CDH12: variants seen among roughly 807,000 people sequenced by gnomAD.
CDH12 encodes the protein cadherin 12.
Under a neutral mutation model 74.1 loss-of-function variants are expected in CDH12, and 41 were observed. That is an observed-to-expected ratio of 0.55 (90% confidence interval 0.43 to 0.72). The LOEUF is 0.72. Ranked by LOEUF, CDH12 falls within the 30% of genes least tolerant of loss-of-function variation. CDH12 has a pLI of 0.00. For missense variants in CDH12, 945 were observed against 977.2 expected, an observed-to-expected ratio of 0.97 and a Z score of 0.44; for synonymous variants, 399 against 355.0, an observed-to-expected ratio of 1.12 and a Z score of -1.39.
chr5:22,421,875 C>T (rs1459848438), intron 2 of CDH12, among the ~76,000 whole-genome samples: 1 of 152,314 alleles, frequency 6.6e-6, no homozygotes, highest in East Asian at 1.9e-4. Flanking sequence ...TTAATGATCA[C>T]CATTCTAACT....
chr5:21,882,795 G>C (rs1182597879), intron 6 of CDH12: 2 of 1,574,022 alleles, frequency 1.3e-6, no homozygotes, highest in African/African-American at 1.4e-5. Context: ...GCAGAGCTGG[G>C]GAAGTCCCAA....
At chr5:21,799,297 A>G (rs886972775) in intron 10 of CDH12, among the ~76,000 whole-genome samples, 9 of 152,132 alleles carry the variant, frequency 5.9e-5, no homozygotes, top group Non-Finnish European at 1.2e-4. Context: ...GTGTTAAAGG[A>G]GTAGCTTGGT....
intron 1 of CDH12, among the ~76,000 whole-genome samples, chr5:22,709,204 G>C (rs1407058115): frequency 6.6e-6 from 1 of 152,060 alleles, no homozygotes; most frequent in Non-Finnish European, 1.5e-5. Context: ...TATGAGATCT[G>C]GGAGACAAAA....
Position 22,237,443 on chromosome 5 carries a change from G to A in CDH12, c.-332-24800C>T, listed in dbSNP as rs1046138548. Among the ~76,000 whole-genome samples, 4 of 152,056 alleles carry A rather than the reference G, an allele frequency of 2.6e-5. No individual in the cohort carries two copies. The South Asian group carries it at 8.3e-4, about 32-fold the overall frequency. On this transcript the variant is annotated intron_variant, in intron 3 of 14. Coordinates refer to ENST00000382254, the MANE Select transcript of CDH12 (RefSeq NM_004061.5). ...CCTTTACAGGTTGGGCCTTTGGGAGGTAATTAAATCATGAGGGCAGACAAA... is the reference window on the plus strand; with the variant it reads ...CCTTTACAGGTTGGGCCTTTGGGAGATAATTAAATCATGAGGGCAGACAAA...
At chr5:22,014,097 T>C (rs867946224) in intron 5 of CDH12, among the ~76,000 whole-genome samples, 45 of 152,164 alleles carry the variant, frequency 3.0e-4, no homozygotes, top group Middle Eastern at 6.8e-3. Flanking sequence ...TGTGGTGGCA[T>C]GCACCTGTAA....
chr5:22,630,280 A>T (rs1407159970), intron 1 of CDH12, among the ~76,000 whole-genome samples: 1 of 152,132 alleles, frequency 6.6e-6, no homozygotes, highest in Non-Finnish European at 1.5e-5. Context: ...TTCATATGGA[A>T]CCAAAAAAGG....
intron 6 of CDH12, among the ~76,000 whole-genome samples, chr5:21,900,488 G>A (rs1215058753): frequency 6.6e-6 from 1 of 152,104 alleles, no homozygotes; most frequent in Admixed American, 6.6e-5. Context: ...AGCTATAGCT[G>A]TACAAAATGC....
intron 6 of CDH12, chr5:21,884,381 A>G: frequency 1.0e-6 from 1 of 999,236 alleles, no homozygotes; most frequent in Middle Eastern, 3.1e-4. Flanking sequence ...TTCCTCACCA[A>G]TAACTTCAGA....
chr5:21,924,844 C>A (rs145466109), intron 6 of CDH12, among the ~76,000 whole-genome samples: 2 of 152,118 alleles, frequency 1.3e-5, no homozygotes, highest in African/African-American at 4.8e-5. Flanking sequence ...TTTACTGAGG[C>A]TATCCTCAGA....
intron 12 of CDH12, among the ~76,000 whole-genome samples, chr5:21,764,499 A>G (rs961488765): frequency 6.6e-6 from 1 of 151,670 alleles, no homozygotes; most frequent in African/African-American, 2.4e-5. Context: ...AATACAAAAA[A>G]TTAGCTGGGC....
intron 1 of CDH12, among the ~76,000 whole-genome samples, chr5:22,805,470 G>A (rs1441288204): frequency 6.6e-6 from 1 of 151,948 alleles, no homozygotes; most frequent in South Asian, 2.1e-4. Flanking sequence ...TTGAGAAATA[G>A]TATATAGAAA....
intron 1 of CDH12, among the ~76,000 whole-genome samples, chr5:22,795,962 G>A (rs1748183159): frequency 1.3e-5 from 2 of 152,054 alleles, no homozygotes; most frequent in African/African-American, 4.8e-5. Context: ...AGCCTTCTGT[G>A]CTTAGCTAGC....
chr5:22,648,945 G>A (rs1739582219), intron 1 of CDH12, among the ~76,000 whole-genome samples: 1 of 151,804 alleles, frequency 6.6e-6, no homozygotes, highest in African/African-American at 2.4e-5. Flanking sequence ...TGATAATATT[G>A]GAATTTAGTC....
intron 2 of CDH12, among the ~76,000 whole-genome samples, chr5:22,415,697 C>A (rs1743352291): frequency 6.6e-6 from 1 of 152,120 alleles, no homozygotes; most frequent in Non-Finnish European, 1.5e-5. Flanking sequence ...TGAGAGCAAT[C>A]AAAGTACCAA....
chr5:21,924,574 G>C (rs1175918636), intron 6 of CDH12, among the ~76,000 whole-genome samples: 1 of 152,026 alleles, frequency 6.6e-6, no homozygotes, highest in Admixed American at 6.6e-5. Flanking sequence ...TACTAGCTTT[G>C]CACTTATCTT....
chr5:22,766,861 T>C (rs1229193341), intron 1 of CDH12, among the ~76,000 whole-genome samples: 1 of 152,094 alleles, frequency 6.6e-6, no homozygotes, highest in African/African-American at 2.4e-5. Flanking sequence ...ATGCAAATAT[T>C]ACACAATTTT....
intron 5 of CDH12, among the ~76,000 whole-genome samples, chr5:22,005,396 A>G (rs1736883078): frequency 6.6e-6 from 1 of 152,156 alleles, no homozygotes; most frequent in African/African-American, 2.4e-5. Context: ...GCACTGAGGT[A>G]GATTTCATGA....
At chr5:21,796,891 A>T (rs1052553504) in intron 10 of CDH12, among the ~76,000 whole-genome samples, 1 of 152,088 alleles carries the variant, frequency 6.6e-6, no homozygotes, top group African/African-American at 2.4e-5. Flanking sequence ...TACTTCACTA[A>T]TGTTGGATAT....
At chr5:22,289,242 C>A (rs528717492) in intron 3 of CDH12, among the ~76,000 whole-genome samples, 28 of 151,788 alleles carry the variant, frequency 1.8e-4, no homozygotes, top group African/African-American at 6.5e-4. Context: ...ATCTTTAATT[C>A]AAAATAGATA....
Sources: allele counts gnomAD v4.1 joint callset (sites outside exome capture counted in the v4.1 genomes callset), GRCh38; gene constraint gnomAD v4.1.1; transcripts MANE v1.5; gene names NCBI Gene and HGNC (gene_info 2026-07-23, HGNC 2026-07-21).